The following TBL1X variants were observed in gnomAD, a reference collection of about 807,000 sequenced individuals.
TBL1X encodes F-box-like/WD repeat-containing protein TBL1X.
In TBL1X, 10 loss-of-function variants were observed where a neutral mutation model predicts 50.7. That is an observed-to-expected ratio of 0.20 (90% confidence interval 0.12 to 0.33). The LOEUF (loss-of-function observed/expected upper bound fraction) is 0.33, where lower values mean the gene tolerates loss of function less well. TBL1X is among the 10% of genes least tolerant of loss of function. TBL1X has a pLI of 1.00. For missense variants in TBL1X, 340 were observed against 504.4 expected, an observed-to-expected ratio of 0.67 and a Z score of 3.12; for synonymous variants, 190 against 214.7, an observed-to-expected ratio of 0.88 and a Z score of 1.01.
intron 2 of TBL1X, among the ~76,000 whole-genome samples, chrX:9,630,823 G>A (rs369858375): frequency 1.8e-5 from 2 of 111,568 alleles, no homozygotes; most frequent in Non-Finnish European, 3.8e-5. Flanking sequence ...CAGTCCTCTC[G>A]CCTTGGCCTC....
At chrX:9,465,914 G>A (rs987576237) in intron 1 of TBL1X, among the ~76,000 whole-genome samples, 3 of 113,119 alleles carry the variant, frequency 2.7e-5, no homozygotes, top group Non-Finnish European at 5.6e-5. Context: ...TTCATACCCG[G>A]GACGCGGGCC....
intron 2 of TBL1X, among the ~76,000 whole-genome samples, chrX:9,577,016 AAAAC>A (rs928256538): frequency 9.0e-6 from 1 of 111,408 alleles, no homozygotes; most frequent in African/African-American, 3.3e-5. Context: ...CAAACAAACA[AAAAC>A]AAACCCAGAG....
chrX:9,683,565 G>A (rs1267057905), intron 5 of TBL1X, among the ~76,000 whole-genome samples: 3 of 111,622 alleles, frequency 2.7e-5, no homozygotes, highest in Non-Finnish European at 5.7e-5. Context: ...GGAGGACTCA[G>A]GGTCAGCGTT....
chrX:9,687,593 C>T (rs971503839), intron 6 of TBL1X, among the ~76,000 whole-genome samples: 1 of 111,008 alleles, frequency 9.0e-6, no homozygotes, highest in African/African-American at 3.3e-5. Context: ...CACCAGATGC[C>T]AGGAGCACCT....
chrX:9,691,725 G>GAT lies in TBL1X; in HGVS notation c.749+14_749+15insAT, dbSNP rs369976631. ...GCTAGCCTCCGGGTAAGGATGTCAGGGTGGGGGGCGCTCCAGAGTTGGGGA... is the reference window on the plus strand; with the variant it reads ...GCTAGCCTCCGGGTAAGGATGTCAGGATGTGGGGGGCGCTCCAGAGTTGGGGA... On this transcript the variant is annotated intron_variant, in intron 8 of 17. Coordinates refer to ENST00000645353, the MANE Select transcript of TBL1X (RefSeq NM_005647.4). 77 of 1,135,525 alleles carry GAT rather than the reference G, an allele frequency of 6.8e-5. No homozygotes were observed. The African/African-American group carries it at 1.3e-3, about 18-fold the overall frequency. 93.6% of individuals were successfully genotyped at this position (1,135,525 alleles called of 1,213,427 possible). A position where few individuals can be genotyped will look rare whatever the true frequency, so the allele number is the denominator to read the frequency against.
chrX:9,524,009 C>T (rs2146967955), intron 2 of TBL1X, among the ~76,000 whole-genome samples: 1 of 94,719 alleles, frequency 1.1e-5, no homozygotes, highest in East Asian at 3.2e-4. Context: ...ACTCTGTTGC[C>T]CAGGCTGGAG....
At position 9,654,199 on chromosome X, in the gene TBL1X, T is replaced by C. The variant is rs1418952447; in HGVS notation, c.104-16T>C. On this transcript the variant is annotated splice_polypyrimidine_tract_variant and intron_variant, in intron 4 of 17. Coordinates refer to ENST00000645353, the MANE Select transcript of TBL1X (RefSeq NM_005647.4). ...ATACAAGCAGTGTTTCAAAACTCTCTTCTCTTTTTGAACAGAGGGTGGTTC... is the reference window on the plus strand; with the variant it reads ...ATACAAGCAGTGTTTCAAAACTCTCCTCTCTTTTTGAACAGAGGGTGGTTC... 1 of 1,197,708 alleles carries C rather than the reference T, an allele frequency of 8.3e-7. No individual in the cohort carries two copies. Among genetic ancestry groups the C allele is most frequent in the Non-Finnish European group, 1.1e-6 (1 of 887,565 alleles).
chrX:9,522,419 C>T lies in TBL1X; in HGVS notation c.-131+20570C>T, dbSNP rs542475400. On this transcript the variant is annotated intron_variant, in intron 2 of 17. Coordinates refer to ENST00000645353, the MANE Select transcript of TBL1X (RefSeq NM_005647.4). ...CTTGAGTGAGAGGGAAGGATGAGGG[C>T]TTGCAGATGATCCCAGTGGGCTGGT... Among the ~76,000 whole-genome samples the T allele has an allele frequency of 5.4e-5, 6 of 111,477 alleles. No individual in the cohort carries two copies. The East Asian group carries it at 1.7e-3, about 32-fold the overall frequency.
chrX:9,498,732 C>A (rs189789715), intron 1 of TBL1X, among the ~76,000 whole-genome samples: 1 of 112,557 alleles, frequency 8.9e-6, no homozygotes, highest in African/African-American at 3.2e-5. Context: ...CATGCCCCCC[C>A]ACTCTAGTGC....
At chrX:9,698,978 G>GTTTT (rs1447434824) in intron 12 of TBL1X, among the ~76,000 whole-genome samples, 1 of 111,176 alleles carries the variant, frequency 9.0e-6, no homozygotes, top group Non-Finnish European at 1.9e-5. Context: ...GTCGTTTTGG[G>GTTTT]TTTTTTTGTT....
At chrX:9,545,968 T>G (rs764171166) in intron 2 of TBL1X, among the ~76,000 whole-genome samples, 1 of 111,717 alleles carries the variant, frequency 9.0e-6, no homozygotes, top group East Asian at 2.8e-4. Flanking sequence ...GTTGAACAGT[T>G]TTGGCAGGAA....
chrX:9,690,899 CTTGTTGTTGTTGTTG>C (rs765757640), intron 7 of TBL1X, among the ~76,000 whole-genome samples: 1 of 110,254 alleles, frequency 9.1e-6, no homozygotes, highest in Non-Finnish European at 1.9e-5. Context: ...TGGCTAACTT[CTTGTTGTTGTTGTTG>C]TTGTTGTTTT....
chrX:9,691,508 A>T (rs1347252064), intron 7 of TBL1X, 71 bp from the exon 8 acceptor site: 2 of 1,101,522 alleles, frequency 1.8e-6, no homozygotes, highest in Admixed American at 5.5e-5. Flanking sequence ...GTTTCTGGAA[A>T]CAAAAGAGCC....
Position 9,580,658 on chromosome X carries a change from G to T in TBL1X, c.-130-59615G>T, listed in dbSNP as rs774366637. Among the ~76,000 whole-genome samples the T allele has an allele frequency of 4.5e-5, 5 of 111,427 alleles. No homozygotes were observed. In the South Asian group the frequency reaches 1.9e-3, roughly 43 times the overall value. On this transcript the variant is annotated intron_variant, in intron 2 of 17. Coordinates refer to ENST00000645353, the MANE Select transcript of TBL1X (RefSeq NM_005647.4). ...GAGGCATTGATCAGACACATTTAAG[G>T]TAGACATTGGTTCAGTCCAGAAAGG...
At chrX:9,604,145 C>G (rs1006714348) in intron 2 of TBL1X, among the ~76,000 whole-genome samples, 1 of 111,957 alleles carries the variant, frequency 8.9e-6, no homozygotes, top group Non-Finnish European at 1.9e-5. Context: ...CTCCCAATTC[C>G]CCTGGTATAC....
chrX:9,583,512 A>T (rs1036998188), intron 2 of TBL1X, among the ~76,000 whole-genome samples: 4 of 111,679 alleles, frequency 3.6e-5, no homozygotes, highest in Non-Finnish European at 7.5e-5. Context: ...TCTTAAGATT[A>T]TGATTTATTG....
chrX:9,539,164 C>T (rs180796505), intron 2 of TBL1X, among the ~76,000 whole-genome samples: 59 of 112,199 alleles, frequency 5.3e-4, no homozygotes, highest in African/African-American at 1.9e-3. Context: ...ACATTGCATA[C>T]TTGATTAAAT....
At chrX:9,641,650 A>G (rs1370494063) in intron 3 of TBL1X, among the ~76,000 whole-genome samples, 1 of 112,898 alleles carries the variant, frequency 8.9e-6, no homozygotes, top group Non-Finnish European at 1.9e-5. Context: ...TTAAATATGT[A>G]TAAGTATTTT....
chrX:9,586,636 C>G (rs978226928), intron 2 of TBL1X, among the ~76,000 whole-genome samples: 4 of 112,246 alleles, frequency 3.6e-5, no homozygotes, highest in African/African-American at 1.3e-4. Context: ...TGTTTTGGGT[C>G]ACACCTGTAG....
Sources: gnomAD v4.1 joint callset for allele counts (sites outside exome capture counted in the v4.1 genomes callset) on GRCh38, gnomAD v4.1.1 for gene constraint, MANE v1.5 for transcripts, NCBI Gene and HGNC (gene_info 2026-07-23, HGNC 2026-07-21) for gene names.